The following ZNF496 variants were observed in gnomAD, a reference collection of about 807,000 sequenced individuals.
ZNF496 encodes the protein NSD1 (nuclear receptor binding SET-domain containing 1)-interacting zinc finger protein 1.
ZNF496 carries 11 observed loss-of-function variants against 58.9 expected under a neutral mutation model. The ratio of observed to expected loss-of-function variants is 0.19; its 90% CI spans 0.12 to 0.31. The LOEUF is 0.31. Ranked by LOEUF, ZNF496 falls within the 10% of genes least tolerant of loss-of-function variation. The pLI is 1.00. For missense variants in ZNF496, 660 were observed against 783.0 expected, an observed-to-expected ratio of 0.84 and a Z score of 1.88; for synonymous variants, 338 against 318.2, an observed-to-expected ratio of 1.06 and a Z score of -0.66.
intron 6 of ZNF496, among the ~76,000 whole-genome samples, chr1:247,314,109 G>A (rs1015519545): frequency 1.3e-5 from 2 of 152,058 alleles, no homozygotes; most frequent in Non-Finnish European, 2.9e-5. Context: ...ACCCCGGCTG[G>A]AGTGCAGTGG....
chr1:247,301,056 C>A lies in ZNF496; in HGVS notation c.1227G>T (p.Pro409=). ...TCCAGCGGAAGATTTTCCCACAGTT[C>A]GGACACACGTAGGACTTCTTGGAGG... ...VQTSKKSYVC[P]NCGKIFRWRV... The change falls in exon 10 of 10, where the codon CCG becomes CCT. Residue 409 remains proline, a synonymous_variant. Transcript: ENST00000682384. 1 of 1,613,728 alleles carries A rather than the reference C, an allele frequency of 6.2e-7. No homozygotes were observed. Among genetic ancestry groups the A allele is most frequent in the Non-Finnish European group, 8.5e-7 (1 of 1,180,044 alleles).
At chr1:247,304,648 AG>A (rs1380586766) in intron 9 of ZNF496, among the ~76,000 whole-genome samples, 2 of 152,160 alleles carry the variant, frequency 1.3e-5, no homozygotes, top group Non-Finnish European at 1.5e-5. Flanking sequence ...CTGGGATTAT[AG>A]GCACGAGCCA....
intron 9 of ZNF496, among the ~76,000 whole-genome samples, chr1:247,304,241 C>T (rs556227046): frequency 6.6e-6 from 1 of 152,262 alleles, no homozygotes; most frequent in East Asian, 1.9e-4. Context: ...AGAGTACAGG[C>T]TCAGGAGGTG....
intron 6 of ZNF496, among the ~76,000 whole-genome samples, chr1:247,314,209 C>A (rs1659701352): frequency 6.6e-6 from 1 of 152,076 alleles, no homozygotes; most frequent in African/African-American, 2.4e-5. Context: ...CAGGAGTGAG[C>A]CACCACGCCT....
At chr1:247,307,286 G>A (rs749758799) in intron 9 of ZNF496, 42 of 985,276 alleles carry the variant, frequency 4.3e-5, no homozygotes, top group East Asian at 1.1e-4. Flanking sequence ...GAAATATATC[G>A]TCTCTCCCCT....
In ZNF496 at chr1:247,299,495, G is replaced by A. The variant is rs1193018966; in HGVS notation, c.*1024C>T. Reference sequence around the variant, plus strand: ...AACTGTCAGGGAATACACTCCTGTTGTTCTAAGCCAGCCAGTGTTTGGACA... The same window carrying A: ...AACTGTCAGGGAATACACTCCTGTTATTCTAAGCCAGCCAGTGTTTGGACA... On this transcript the variant is annotated 3_prime_UTR_variant, in exon 10 of 10. Coordinates refer to ENST00000682384, the MANE Select transcript of ZNF496 (RefSeq NM_032752.3). The A allele has an allele frequency of 6.6e-6, 1 of 152,238 alleles. No homozygotes were observed. Among genetic ancestry groups the A allele is most frequent in the African/African-American group, 2.4e-5 (1 of 41,452 alleles). 9.4% of individuals were successfully genotyped at this position (152,238 alleles called of 1,614,324 possible).
At chr1:247,327,221 C>T (rs1190521384) in intron 5 of ZNF496, among the ~76,000 whole-genome samples, 2 of 152,224 alleles carry the variant, frequency 1.3e-5, no homozygotes, top group Non-Finnish European at 2.9e-5. Context: ...CCCACCACCA[C>T]ACACAACTAA....
At chr1:247,330,766 C>G (rs1247677282) in intron 2 of ZNF496, among the ~76,000 whole-genome samples, 1 of 152,246 alleles carries the variant, frequency 6.6e-6, no homozygotes. Flanking sequence ...CCAGCGTGGC[C>G]GCGTCTTAAC....
intron 5 of ZNF496, among the ~76,000 whole-genome samples, chr1:247,326,803 T>C (rs571362630): frequency 6.6e-6 from 1 of 152,262 alleles, no homozygotes; most frequent in African/African-American, 2.4e-5. Context: ...GGTGTACTTA[T>C]AAGAAGAGGA....
chr1:247,322,255 C>G (rs779515082), intron 6 of ZNF496, among the ~76,000 whole-genome samples: 1 of 152,088 alleles, frequency 6.6e-6, no homozygotes, highest in Non-Finnish European at 1.5e-5. Context: ...TGCATTGAAG[C>G]CTGGGTGACA....
intron 6 of ZNF496, among the ~76,000 whole-genome samples, chr1:247,314,061 T>C (rs1659696339): frequency 6.6e-6 from 1 of 152,174 alleles, no homozygotes; most frequent in South Asian, 2.1e-4. Flanking sequence ...ATTTCTATTT[T>C]TATCTTTATA....
chr1:247,306,697 C>T (rs989800014), intron 9 of ZNF496, among the ~76,000 whole-genome samples: 1 of 151,810 alleles, frequency 6.6e-6, no homozygotes, highest in African/African-American at 2.4e-5. Context: ...AGACAGGTTT[C>T]GCCATGTTGG....
At chr1:247,310,175 G>T in intron 7 of ZNF496, 149 bp downstream of exon 7, 1 of 1,467,174 alleles carries the variant, frequency 6.8e-7, no homozygotes, top group Non-Finnish European at 9.0e-7. Flanking sequence ...GTGTGCAAAT[G>T]ACCTCCTGTC....
chr1:247,315,628 GA>G (rs1203346910), intron 6 of ZNF496, among the ~76,000 whole-genome samples: 1 of 152,148 alleles, frequency 6.6e-6, no homozygotes, highest in Non-Finnish European at 1.5e-5. Flanking sequence ...AAAATAGAAT[GA>G]GGGGGTGGGA....
rs544463119 is a variant in ZNF496 at position 247,329,420 on chromosome 1, C to T, written c.159G>A (p.Ala53=). 9.2e-5 allele frequency: 148 copies of T among 1,613,044 alleles called. No individual in the cohort carries two copies. The highest frequency in any genetic ancestry group is 8.1e-5 in the Non-Finnish European group (96 of 1,179,718). The change falls in exon 4 of 10, where the codon GCG becomes GCA. Residue 53 remains alanine, a synonymous_variant. Coordinates refer to ENST00000682384, the MANE Select transcript of ZNF496 (RefSeq NM_032752.3). The surrounding 1 kb of genome is among the most constrained non-coding windows in gnomAD (Gnocchi z 5.5). Reference sequence around the variant, plus strand: ...GCTGCAGGGCCTCCCGGGGGCCCGCCGCCTCCTGGTAGCGGAAACGGCGGA... The same window carrying T: ...GCTGCAGGGCCTCCCGGGGGCCCGCTGCCTCCTGGTAGCGGAAACGGCGGA... ...RLFRRFRYQE[A]AGPREALQRL...
At chr1:247,310,502 G>T (rs2103021189) in intron 6 of ZNF496, 46 bp from the exon 7 acceptor site, 1 of 1,610,796 alleles carries the variant, frequency 6.2e-7, no homozygotes, top group East Asian at 2.2e-5. Context: ...GGACGAGCTA[G>T]GTGTCTCAGT....
Position 247,329,703 on chromosome 1 carries a change from C to T in ZNF496, c.-37-88G>A. The T allele has an allele frequency of 1.6e-6, 2 of 1,268,406 alleles. No individual in the cohort carries two copies. Among genetic ancestry groups the T allele is most frequent in the Non-Finnish European group, 1.1e-6 (1 of 928,426 alleles). 78.6% of individuals were successfully genotyped at this position (1,268,406 alleles called of 1,614,324 possible). A position where few individuals can be genotyped will look rare whatever the true frequency, so the allele number is the denominator to read the frequency against. ...CAGTGACAAGGAAACTGTCAATGCCCTCAGAGACCAGCCCTTTGGAGAAGC... is the reference window on the plus strand; with the variant it reads ...CAGTGACAAGGAAACTGTCAATGCCTTCAGAGACCAGCCCTTTGGAGAAGC... On this transcript the variant is annotated intron_variant, in intron 3 of 9. Transcript: ENST00000682384. This position sits in a 1 kb window ranked among gnomAD's most constrained non-coding sequence, Gnocchi z 5.5.
Position 247,308,582 on chromosome 1 carries a change from GGA to G in ZNF496, c.897_898del (p.Pro300LysfsTer14). On this transcript the variant is annotated frameshift_variant, in exon 9 of 10. Coordinates refer to ENST00000682384, the MANE Select transcript of ZNF496 (RefSeq NM_032752.3). LOFTEE classifies it high-confidence loss of function. This position sits in a 1 kb window ranked among gnomAD's most constrained non-coding sequence, Gnocchi z 4.5. ...TTCTACCTGGAATGGCTGGAGACTT[GGA>G]GAGTCTTTCCAGAGGAGGAAATGGA... The G allele has an allele frequency of 6.2e-7, 1 of 1,613,924 alleles. No homozygotes were observed.
Position 247,300,621 on chromosome 1 carries a change from C to T in ZNF496, c.1662G>A (p.Gln554=), listed in dbSNP as rs1308340864. ...FHLKDKARPF[Q]CRYCVKSFTQ... is the part of the protein sequence containing the mutation. Reference sequence around the variant, plus strand: ...TGAAGCTCTTGACGCAGTACCGGCACTGGAAGGGCCGGGCTTTGTCCTTCA... The same window carrying T: ...TGAAGCTCTTGACGCAGTACCGGCATTGGAAGGGCCGGGCTTTGTCCTTCA... The change falls in exon 10 of 10, where the codon CAG becomes CAA. Residue 554 remains glutamine, a synonymous_variant. Coordinates refer to ENST00000682384, the MANE Select transcript of ZNF496 (RefSeq NM_032752.3). The surrounding 1 kb of genome is among the most constrained non-coding windows in gnomAD (Gnocchi z 5.7). 1.2e-6 allele frequency: 2 copies of T among 1,614,144 alleles called. No homozygotes were observed. Among genetic ancestry groups the T allele is most frequent in the African/African-American group, 1.3e-5 (1 of 75,070 alleles).
Sources: gnomAD v4.1 joint callset for allele counts (sites outside exome capture counted in the v4.1 genomes callset) on GRCh38, gnomAD v4.1.1 for gene constraint, Gnocchi (gnomAD v3.1) non-coding constraint, MANE v1.5 for transcripts, NCBI Gene and HGNC (gene_info 2026-07-23, HGNC 2026-07-21) for gene names.